Variants in CNTNAP2 observed in about 807,000 individuals in gnomAD.
The protein encoded by CNTNAP2 is contactin associated protein 2, also known as contactin-associated protein-like 2.
CNTNAP2 carries 98 observed loss-of-function variants against 155.2 expected under a neutral mutation model. The ratio of observed to expected loss-of-function variants is 0.63; its 90% confidence interval spans 0.54 to 0.75. CNTNAP2 has a LOEUF of 0.75. CNTNAP2 is among the 30% of genes least tolerant of loss of function. CNTNAP2 has a pLI of 0.00. For synonymous variants in CNTNAP2, 651 were observed against 631.2 expected, an observed-to-expected ratio of 1.03 and a Z score of -0.47; for missense variants, 1,727 against 1,688.1, an observed-to-expected ratio of 1.02 and a Z score of -0.40.
At chr7:146,441,347 A>G (rs1320476002) in intron 1 of CNTNAP2, among the ~76,000 whole-genome samples, 1 of 151,494 alleles carries the variant, frequency 6.6e-6, no homozygotes, top group Non-Finnish European at 1.5e-5. Flanking sequence ...TCATATTGCA[A>G]GACAATTCAT....
At chr7:147,427,384 G>A (rs917112103) in intron 10 of CNTNAP2, among the ~76,000 whole-genome samples, 2 of 152,034 alleles carry the variant, frequency 1.3e-5, no homozygotes, top group African/African-American at 4.8e-5. Context: ...ATTGAATATG[G>A]GTTCTTTCAA....
At chr7:147,864,893 C>G (rs150073944) in intron 13 of CNTNAP2, among the ~76,000 whole-genome samples, 2,469 of 152,264 alleles carry the variant, frequency 0.016, 66 homozygotes, top group African/African-American at 0.055. Context: ...TTGACTTCCT[C>G]TTTTCCTAAT....
chr7:147,941,453 A>G (rs1255543580), intron 14 of CNTNAP2, among the ~76,000 whole-genome samples: 1 of 152,164 alleles, frequency 6.6e-6, no homozygotes, highest in Non-Finnish European at 1.5e-5. Flanking sequence ...GGTAACACAC[A>G]CACCAACTTC....
At chr7:146,677,187 G>C (rs375264817) in intron 1 of CNTNAP2, among the ~76,000 whole-genome samples, 1 of 152,326 alleles carries the variant, frequency 6.6e-6, no homozygotes, top group East Asian at 1.9e-4. Flanking sequence ...GGAACTGGAA[G>C]TGGGGGAAGT....
intron 13 of CNTNAP2, among the ~76,000 whole-genome samples, chr7:147,763,763 C>T (rs1397396409): frequency 1.3e-5 from 2 of 152,194 alleles, no homozygotes; most frequent in African/African-American, 4.8e-5. Context: ...TCTTCACTCT[C>T]ACTACCCAAC....
At chr7:148,368,937 A>G (rs887015541) in intron 21 of CNTNAP2, among the ~76,000 whole-genome samples, 2 of 152,298 alleles carry the variant, frequency 1.3e-5, no homozygotes, top group East Asian at 3.9e-4. Context: ...AGGCGGGCCC[A>G]GGCCTGGTTT....
intron 13 of CNTNAP2, among the ~76,000 whole-genome samples, chr7:147,703,711 C>T (rs1424290510): frequency 6.6e-6 from 1 of 152,112 alleles, no homozygotes; most frequent in Non-Finnish European, 1.5e-5. Context: ...GTGTTGGGAA[C>T]ATTTCAAGTT....
intron 11 of CNTNAP2, among the ~76,000 whole-genome samples, chr7:147,528,465 G>A (rs1021781855): frequency 6.6e-6 from 1 of 152,038 alleles, no homozygotes; most frequent in Non-Finnish European, 1.5e-5. Flanking sequence ...TCTCTCACTT[G>A]GTCTCCCTCA....
intron 10 of CNTNAP2, among the ~76,000 whole-genome samples, chr7:147,446,294 C>A (rs896977751): frequency 6.6e-6 from 1 of 150,976 alleles, no homozygotes; most frequent in Non-Finnish European, 1.5e-5. Context: ...CTTTTTAATT[C>A]CACTTATGCC....
intron 1 of CNTNAP2, among the ~76,000 whole-genome samples, chr7:146,459,518 TCTC>T (rs1796606162): frequency 6.6e-6 from 1 of 152,112 alleles, no homozygotes; most frequent in Non-Finnish European, 1.5e-5. Flanking sequence ...GGAACTACCT[TCTC>T]CTTGCAAATT....
At chr7:147,240,608 G>A (rs1247854121) in intron 8 of CNTNAP2, among the ~76,000 whole-genome samples, 2 of 152,106 alleles carry the variant, frequency 1.3e-5, no homozygotes, top group Non-Finnish European at 2.9e-5. Flanking sequence ...TGGTGTTCGA[G>A]TTCCCTCAGT....
intron 1 of CNTNAP2, among the ~76,000 whole-genome samples, chr7:146,200,271 G>A (rs542348706): frequency 1.3e-4 from 20 of 152,140 alleles, no homozygotes; most frequent in Admixed American, 5.9e-4. Flanking sequence ...TGAGGCGGGC[G>A]GATCACGATG....
chr7:147,236,582 T>G (rs890759168), intron 8 of CNTNAP2, among the ~76,000 whole-genome samples: 1 of 150,066 alleles, frequency 6.7e-6, no homozygotes, highest in South Asian at 2.1e-4. Flanking sequence ...TTTGGTTGGT[T>G]TTTTTTTTCT....
At chr7:146,443,430 T>C (rs1299701264) in intron 1 of CNTNAP2, among the ~76,000 whole-genome samples, 1 of 152,078 alleles carries the variant, frequency 6.6e-6, no homozygotes, top group African/African-American at 2.4e-5. Context: ...TTCATACCAC[T>C]ATGCTCAGGC....
At chr7:147,221,736 C>T (rs1387434769) in intron 8 of CNTNAP2, among the ~76,000 whole-genome samples, 1 of 152,208 alleles carries the variant, frequency 6.6e-6, no homozygotes, top group Non-Finnish European at 1.5e-5. Flanking sequence ...TTTTCCTTGT[C>T]TCCAAATGAC....
At chr7:147,341,090 G>GTGTA (rs143428303) in intron 9 of CNTNAP2, among the ~76,000 whole-genome samples, 20 of 140,340 alleles carry the variant, frequency 1.4e-4, no homozygotes, top group East Asian at 1.3e-3. Flanking sequence ...GTGTGTGTGT[G>GTGTA]TATATATATA....
chr7:146,345,232 T>C (rs10280011), intron 1 of CNTNAP2, among the ~76,000 whole-genome samples: 18,256 of 152,184 alleles, frequency 0.12, 2,039 homozygotes, highest in African/African-American at 0.3. Flanking sequence ...TTTATGTGTA[T>C]GCATAATTTA....
chr7:147,111,132 T>C (rs1800869782), intron 5 of CNTNAP2, among the ~76,000 whole-genome samples: 1 of 152,200 alleles, frequency 6.6e-6, no homozygotes, highest in African/African-American at 2.4e-5. Flanking sequence ...ATCAGTGATG[T>C]AGAGATTTTT....
chr7:146,166,666 T>C (rs1190684226), intron 1 of CNTNAP2, among the ~76,000 whole-genome samples: 4 of 152,266 alleles, frequency 2.6e-5, no homozygotes. Flanking sequence ...ACATTTAAGC[T>C]ATTTTTAAAA....
Sources: gnomAD v4.1 joint callset for allele counts (sites outside exome capture counted in the v4.1 genomes callset) on GRCh38, gnomAD v4.1.1 for gene constraint, MANE v1.5 for transcripts, NCBI Gene and HGNC (gene_info 2026-07-23, HGNC 2026-07-21) for gene names.